The following TLN2 variants were observed in gnomAD, a reference collection of about 807,000 sequenced individuals.
The protein encoded by TLN2 is talin 2.
In TLN2, 118 loss-of-function variants were observed where a neutral mutation model predicts 294.7. The ratio of observed to expected loss-of-function variants is 0.40; its 90% confidence interval spans 0.34 to 0.47. The LOEUF (loss-of-function observed/expected upper bound fraction) is 0.47, where lower values mean the gene tolerates loss of function less well. TLN2 is among the 20% of genes least tolerant of loss of function. TLN2 has a pLI of 0.84. For missense variants in TLN2, 3,083 were observed against 3,282.2 expected (o/e 0.94, Z 1.48); for synonymous variants, 1,431 against 1,304.5 (o/e 1.10, Z -2.09).
chr15:62,486,055 AATTC>A (rs2038372774), intron 1 of TLN2, among the ~76,000 whole-genome samples: 3 of 152,296 alleles, frequency 2.0e-5, no homozygotes, highest in Non-Finnish European at 4.4e-5. Context: ...GCATTACCTA[AATTC>A]ATTAATTATA....
chr15:62,733,037 T>C (rs2060815496), intron 28 of TLN2, among the ~76,000 whole-genome samples: 1 of 152,150 alleles, frequency 6.6e-6, no homozygotes, highest in South Asian at 2.1e-4. Context: ...AAAATGATAA[T>C]GATTGGAAGT....
intron 2 of TLN2, among the ~76,000 whole-genome samples, chr15:62,607,592 G>A (rs2047559564): frequency 6.6e-6 from 1 of 152,202 alleles, no homozygotes; most frequent in Admixed American, 6.5e-5. Flanking sequence ...CGTCCAAAAG[G>A]ATCCCTCCTT....
At chr15:62,678,873 T>G (rs1054434146) in intron 11 of TLN2, among the ~76,000 whole-genome samples, 1 of 152,100 alleles carries the variant, frequency 6.6e-6, no homozygotes, top group Admixed American at 6.6e-5. Context: ...GAAATCAGAA[T>G]AAATGTGCCC....
chr15:62,644,262 T>C (rs1169717871), intron 3 of TLN2, among the ~76,000 whole-genome samples: 2 of 150,706 alleles, frequency 1.3e-5, no homozygotes, highest in African/African-American at 4.9e-5. Flanking sequence ...GTACATGCGA[T>C]CTCTCCCTTC....
chr15:62,433,189 A>G (rs1446752912), intron 1 of TLN2, among the ~76,000 whole-genome samples: 1 of 152,152 alleles, frequency 6.6e-6, no homozygotes, highest in East Asian at 1.9e-4. Context: ...ACAGGGCTCC[A>G]GCCTGGGCGT....
intron 42 of TLN2, among the ~76,000 whole-genome samples, chr15:62,774,768 G>A (rs1422047965): frequency 6.6e-6 from 1 of 152,066 alleles, no homozygotes; most frequent in East Asian, 1.9e-4. Context: ...TCAGTGACCT[G>A]GCACAGGACA....
intron 32 of TLN2, among the ~76,000 whole-genome samples, chr15:62,746,355 C>T (rs546510620): frequency 6.6e-5 from 10 of 152,272 alleles, no homozygotes; most frequent in South Asian, 4.1e-4. Context: ...CTACACCCTC[C>T]GCAATCCTTG....
chr15:62,408,940 G>A (rs2033596748), intron 1 of TLN2, among the ~76,000 whole-genome samples: 1 of 151,920 alleles, frequency 6.6e-6, no homozygotes, highest in African/African-American at 2.4e-5. Context: ...GATTACAGGT[G>A]ACAGCCAGCA....
At chr15:62,828,099 C>G (rs919232131) in intron 54 of TLN2, 1 of 152,328 alleles carries the variant, frequency 6.6e-6, no homozygotes, top group Non-Finnish European at 1.5e-5. Flanking sequence ...ACTCTCCCAA[C>G]TGGGAAACAG....
chr15:62,404,623 T>G (rs1366975767), intron 1 of TLN2, among the ~76,000 whole-genome samples: 1 of 152,210 alleles, frequency 6.6e-6, no homozygotes, highest in Non-Finnish European at 1.5e-5. Flanking sequence ...TTTAATTACT[T>G]GGCACCGCAC....
chr15:62,478,054 C>A (rs1173391150), intron 1 of TLN2, among the ~76,000 whole-genome samples: 1 of 152,200 alleles, frequency 6.6e-6, no homozygotes, highest in East Asian at 1.9e-4. Context: ...TAACAGCATT[C>A]TCGGAGTACT....
intron 12 of TLN2, 142 bp downstream of exon 12, chr15:62,686,938 A>G (rs1449075970): frequency 8.4e-7 from 1 of 1,184,770 alleles, no homozygotes; most frequent in Non-Finnish European, 1.2e-6. Context: ...GTGCAAGCCC[A>G]TGGGCAGGGA....
At chr15:62,544,727 T>A (rs1157472105) in intron 1 of TLN2, among the ~76,000 whole-genome samples, 1 of 52,944 alleles carries the variant, frequency 1.9e-5, no homozygotes, top group Non-Finnish European at 3.5e-5. Context: ...GTAGAAAAGC[T>A]TTTTTTTTTT....
chr15:62,508,493 G>A lies in TLN2; in HGVS notation c.-237-81194G>A, dbSNP rs891651264. 2.0e-5 allele frequency among the ~76,000 whole-genome samples: 3 copies of A among 152,270 alleles called. No homozygotes were observed. In the East Asian group the frequency reaches 5.8e-4, roughly 29 times the overall value. On this transcript the variant is annotated intron_variant, in intron 1 of 58. Transcript: ENST00000636159. ...GCCTCCCAAAGTGCTGGGATTACAG[G>A]CGTGAGCCACTGCACCCGGCCAAAG...
intron 25 of TLN2, among the ~76,000 whole-genome samples, chr15:62,720,822 A>T (rs1312444243): frequency 6.6e-6 from 1 of 152,188 alleles, no homozygotes; most frequent in Non-Finnish European, 1.5e-5. Context: ...TTGGACGTAC[A>T]GGTTTTTAAT....
intron 1 of TLN2, among the ~76,000 whole-genome samples, chr15:62,566,894 A>G (rs1230374732): frequency 1.3e-5 from 2 of 151,690 alleles, no homozygotes; most frequent in Non-Finnish European, 1.5e-5. Flanking sequence ...ATCTGCTGTC[A>G]TTGTAACCCT....
At chr15:62,413,029 G>A (rs1282929860) in intron 1 of TLN2, among the ~76,000 whole-genome samples, 2 of 152,128 alleles carry the variant, frequency 1.3e-5, no homozygotes, top group East Asian at 3.9e-4. Flanking sequence ...TAGGGAGGAG[G>A]GGAAGAGGGA....
At chr15:62,774,628 A>G (rs944564722) in intron 42 of TLN2, among the ~76,000 whole-genome samples, 1 of 152,222 alleles carries the variant, frequency 6.6e-6, no homozygotes, top group African/African-American at 2.4e-5. Flanking sequence ...TGACCCTCTA[A>G]GAATCTGTGA....
intron 9 of TLN2, among the ~76,000 whole-genome samples, chr15:62,667,449 T>C (rs555980945): frequency 2.6e-5 from 4 of 152,306 alleles, no homozygotes; most frequent in Non-Finnish European, 5.9e-5. Context: ...CTATTGTACC[T>C]CCACCATCCC....
Sources: gnomAD v4.1 joint callset for allele counts (sites outside exome capture counted in the v4.1 genomes callset) on GRCh38, gnomAD v4.1.1 for gene constraint, MANE v1.5 for transcripts, NCBI Gene and HGNC (gene_info 2026-07-23, HGNC 2026-07-21) for gene names.